ANO6: variants seen among roughly 807,000 people sequenced by gnomAD.
ANO6 encodes anoctamin-6.
A neutral mutation model predicts 117.5 loss-of-function variants in ANO6; 106 were observed. That is an observed-to-expected ratio of 0.90 (90% CI 0.77 to 1.06). The LOEUF (loss-of-function observed/expected upper bound fraction) is 1.06. Ranked by LOEUF, ANO6 falls within the 50% of genes least tolerant of loss-of-function variation. ANO6 has a pLI of 0.00. For synonymous variants in ANO6, 367 were observed against 385.1 expected (o/e 0.95, Z 0.55); for missense variants, 955 against 1,121.1 (o/e 0.85, Z 2.12).
At chr12:45,268,687 G>A (rs963951805) in intron 1 of ANO6, among the ~76,000 whole-genome samples, 2 of 152,018 alleles carry the variant, frequency 1.3e-5, no homozygotes, top group Non-Finnish European at 2.9e-5. Flanking sequence ...GTTGTGAAAG[G>A]CATTTCATTC....
chr12:45,277,988 C>G (rs532036889), intron 1 of ANO6, among the ~76,000 whole-genome samples: 1 of 152,118 alleles, frequency 6.6e-6, no homozygotes, highest in Non-Finnish European at 1.5e-5. Flanking sequence ...GGGTCTTGCT[C>G]TGTTGCCCAG....
At chr12:45,247,054 T>C (rs1376893143) in intron 1 of ANO6, among the ~76,000 whole-genome samples, 1 of 152,062 alleles carries the variant, frequency 6.6e-6, no homozygotes, top group Non-Finnish European at 1.5e-5. Flanking sequence ...CCCTCCCGAG[T>C]AGCTGGGACT....
chr12:45,366,275 A>G (rs1465885985), intron 8 of ANO6, among the ~76,000 whole-genome samples: 1 of 151,816 alleles, frequency 6.6e-6, no homozygotes, highest in Non-Finnish European at 1.5e-5. Context: ...AATATCTTGA[A>G]TGTATCAATA....
intron 3 of ANO6, among the ~76,000 whole-genome samples, chr12:45,343,788 T>C (rs1467328791): frequency 6.6e-6 from 1 of 152,180 alleles, no homozygotes; most frequent in African/African-American, 2.4e-5. Context: ...ACAGGGCTGC[T>C]GCCAGCACCG....
intron 10 of ANO6, chr12:45,383,235 TGA>T (rs1942214172): frequency 5.3e-6 from 1 of 189,694 alleles, no homozygotes; most frequent in South Asian, 1.3e-4. Flanking sequence ...AGTTTGATCA[TGA>T]GACTACAGCA....
chr12:45,288,132 C>T (rs1938977306), intron 1 of ANO6, among the ~76,000 whole-genome samples: 1 of 152,172 alleles, frequency 6.6e-6, no homozygotes, highest in Non-Finnish European at 1.5e-5. Context: ...CCTGCTCACC[C>T]ATCTAGGTGT....
chr12:45,409,116 A>G (rs538566595), intron 15 of ANO6, among the ~76,000 whole-genome samples: 59 of 152,252 alleles, frequency 3.9e-4, no homozygotes, highest in Non-Finnish European at 7.2e-4. Context: ...TAAGCTGCCC[A>G]TAGGGAAAAA....
chr12:45,387,766 A>G (rs1188804549), intron 10 of ANO6, among the ~76,000 whole-genome samples: 1 of 152,046 alleles, frequency 6.6e-6, no homozygotes, highest in African/African-American at 2.4e-5. Context: ...TATAATCCCC[A>G]TGTGTCAGGG....
intron 1 of ANO6, among the ~76,000 whole-genome samples, chr12:45,273,136 C>T (rs201415007): frequency 1.8e-4 from 27 of 151,986 alleles, no homozygotes; most frequent in African/African-American, 5.5e-4. Context: ...CAGTGATTGC[C>T]GGGGGGCTGG....
Position 45,352,125 on chromosome 12 carries a change from A to G in ANO6, c.863+1351A>G, listed in dbSNP as rs185115535. On this transcript the variant is annotated intron_variant, in intron 7 of 19. Coordinates refer to ENST00000320560, the MANE Select transcript of ANO6 (RefSeq NM_001025356.3). Reference sequence around the variant, plus strand: ...TGTCTCAACACCCCATGCACTTGCCACCTACTTGAGAAAACTACTAGACCT... The same window carrying G: ...TGTCTCAACACCCCATGCACTTGCCGCCTACTTGAGAAAACTACTAGACCT... 4.1e-4 allele frequency among the ~76,000 whole-genome samples: 63 copies of G among 152,232 alleles called. 1 individual carries two copies. Among genetic ancestry groups the G allele is most frequent in the Middle Eastern group, 3.4e-3 (1 of 294 alleles).
At chr12:45,318,793 A>T (rs1181607772) in intron 2 of ANO6, among the ~76,000 whole-genome samples, 2 of 151,990 alleles carry the variant, frequency 1.3e-5, no homozygotes, top group African/African-American at 2.4e-5. Flanking sequence ...GTCCTCTTTT[A>T]TTTCATTGAG....
chr12:45,409,272 T>C, intron 15 of ANO6, 85 bp from the exon 16 acceptor site: 1 of 1,525,814 alleles, frequency 6.6e-7, no homozygotes, highest in South Asian at 1.1e-5. Flanking sequence ...AGATTACTTG[T>C]GCAGCTTTGA....
At chr12:45,371,289 C>T (rs1941826628) in intron 9 of ANO6, among the ~76,000 whole-genome samples, 1 of 152,194 alleles carries the variant, frequency 6.6e-6, no homozygotes, top group African/African-American at 2.4e-5. Context: ...AGGGGAGGGG[C>T]GCCCGCCATT....
intron 3 of ANO6, among the ~76,000 whole-genome samples, chr12:45,343,270 A>G (rs1192430330): frequency 2.0e-5 from 3 of 152,044 alleles, no homozygotes; most frequent in Non-Finnish European, 4.4e-5. Flanking sequence ...ACTGGAGAAG[A>G]CCCTCTTCTG....
At chr12:45,413,588 C>T (rs1380210250) in intron 16 of ANO6, among the ~76,000 whole-genome samples, 3 of 151,980 alleles carry the variant, frequency 2.0e-5, no homozygotes, top group Non-Finnish European at 4.4e-5. Context: ...TGATGAGGCC[C>T]GGGGGTAAAG....
At chr12:45,222,691 C>G (rs1022527225) in intron 1 of ANO6, among the ~76,000 whole-genome samples, 2 of 152,186 alleles carry the variant, frequency 1.3e-5, no homozygotes, top group African/African-American at 4.8e-5. Context: ...GAAACTAAAA[C>G]TATAATCTTT....
rs745682848 is a variant in ANO6 at position 45,238,526 on chromosome 12, A to G, written c.70+22135A>G. Among the ~76,000 whole-genome samples the G allele has an allele frequency of 8.5e-5, 13 of 152,108 alleles. No homozygotes were observed. In the Middle Eastern group the frequency reaches 0.014, roughly 159 times the overall value. The stretch of plus-strand genomic sequence containing the variant: ...GTCTGACTTTCTCATTTCCTAATTT[A>G]ATACTCTTTATTCCTTTCTCTTGCC... On this transcript the variant is annotated intron_variant, in intron 1 of 19. Transcript: ENST00000320560.
At chr12:45,347,591 T>C (rs1334483032) in intron 4 of ANO6, 1 of 185,064 alleles carries the variant, frequency 5.4e-6, no homozygotes, top group African/African-American at 2.4e-5. Context: ...TCAATAAATA[T>C]AATTCTTTGA....
chr12:45,233,136 T>C (rs1315371351), intron 1 of ANO6, among the ~76,000 whole-genome samples: 1 of 152,206 alleles, frequency 6.6e-6, no homozygotes, highest in Non-Finnish European at 1.5e-5. Flanking sequence ...TGACTTCGGC[T>C]GGGAGTCACA....
Sources: allele counts gnomAD v4.1 joint callset (sites outside exome capture counted in the v4.1 genomes callset), GRCh38; gene constraint gnomAD v4.1.1; transcripts MANE v1.5; gene names NCBI Gene and HGNC (gene_info 2026-07-23, HGNC 2026-07-21).